The following ESPN variants were observed in gnomAD, a reference collection of about 807,000 sequenced individuals.
The protein encoded by ESPN is autosomal recessive deafness type 36 protein.
A neutral mutation model predicts 77.7 loss-of-function variants in ESPN; 68 were observed. That is an observed-to-expected ratio of 0.87 (90% confidence interval 0.72 to 1.07). The LOEUF (loss-of-function observed/expected upper bound fraction) is 1.07. Among genes scored for constraint, ESPN ranks in the 50% least tolerant of loss-of-function variants. ESPN has a pLI of 0.00. For missense variants in ESPN, 1,060 were observed against 1,239.0 expected (o/e 0.86, Z 2.17); for synonymous variants, 449 against 567.1 (o/e 0.79, Z 2.96).
chr1:6,449,184 C>T (rs76747981), intron 8 of ESPN, 93 bp downstream of exon 8: 2 of 1,245,714 alleles, frequency 1.6e-6, no homozygotes, highest in Non-Finnish European at 2.1e-6. Context: ...TGTCACTGCC[C>T]GGGTCCTTCC....
chr1:6,428,260 T>C lies in ESPN; in HGVS notation c.329T>C (p.Leu110Pro), dbSNP rs1643112418. The C allele has an allele frequency of 6.2e-7, 1 of 1,613,580 alleles. No homozygotes were observed. Among genetic ancestry groups the C allele is most frequent in the Non-Finnish European group, 8.5e-7 (1 of 1,179,994 alleles). ...AATTCTGGTGCCACAGTCTTGCATC[T>C]GGCTGCCCGCTTCGGCCACCCCGAG... is the stretch of plus-strand genomic sequence containing the variant. ...KDNSGATVLHLAARFGHPEVV... is the reference protein window; with the variant it reads ...KDNSGATVLHPAARFGHPEVV... The change falls in exon 2 of 13, where the codon CTG becomes CCG. Residue 110 changes from leucine to proline, a missense_variant. Coordinates refer to ENST00000645284, the MANE Select transcript of ESPN (RefSeq NM_031475.3). This position sits in a 1 kb window ranked among gnomAD's most constrained non-coding sequence, Gnocchi z 5.4.
chr1:6,449,630 C>T (rs1280818083), intron 8 of ESPN, among the ~76,000 whole-genome samples: 2 of 152,254 alleles, frequency 1.3e-5, no homozygotes, highest in Non-Finnish European at 2.9e-5. Context: ...GCCAGGAACT[C>T]TTCCTAGCCA....
intron 2 of ESPN, among the ~76,000 whole-genome samples, chr1:6,434,600 T>C (rs1276260029): frequency 6.6e-6 from 1 of 151,918 alleles, no homozygotes; most frequent in Non-Finnish European, 1.5e-5. Context: ...AGGCCATGAG[T>C]GAAGAGAGAT....
At chr1:6,432,576 A>C (rs373367502) in intron 2 of ESPN, among the ~76,000 whole-genome samples, 1 of 152,088 alleles carries the variant, frequency 6.6e-6, no homozygotes, top group Non-Finnish European at 1.5e-5. Context: ...CCCCTGCCCT[A>C]CCCTTCTAAG....
chr1:6,432,911 A>G (rs2148509115), intron 2 of ESPN, among the ~76,000 whole-genome samples: 2 of 152,240 alleles, frequency 1.3e-5, no homozygotes, highest in Middle Eastern at 6.8e-3. Flanking sequence ...ACACGAGGTC[A>G]GGAGTTCAAG....
rs199641142 is a variant in ESPN at position 6,452,035 on chromosome 1, G to A, written c.2264G>A (p.Arg755His). 3.2e-5 allele frequency: 50 copies of A among 1,585,558 alleles called. No homozygotes were observed. The highest frequency in any genetic ancestry group is 4.1e-5 in the Non-Finnish European group (48 of 1,165,290). ...GGCCGGCCCATCCCCGAGTGGAAGC[G>A]CCAGGTGATGGTGCGCAAGATGCAG... ...EQGRPIPEWKRQVMVRKMQLK... is the reference protein window; with the variant it reads ...EQGRPIPEWKHQVMVRKMQLK... Residue 755 changes from arginine (R) to histidine (H), a missense_variant, in exon 10 of 13, where the codon CGC (arginine) becomes CAC (histidine). Coordinates refer to ENST00000645284, the MANE Select transcript of ESPN (RefSeq NM_031475.3).
chr1:6,448,806 C>T lies in ESPN; in HGVS notation c.1630C>T (p.Arg544Cys). 5 of 1,272,668 alleles carry T rather than the reference C, an allele frequency of 3.9e-6. No individual in the cohort carries two copies. The South Asian group carries it at 1.2e-4, about 30-fold the overall frequency. The allele number at this position is 1,272,668 out of a possible 1,614,324, so 78.8% of individuals were successfully genotyped here. ...GGGCATGGCGCACAGCGAGGAGGTG[C>T]GTGCCCGCCAGCCCGCGCGCGCCGG... ...RPGMAHSEEV[R>C]ARQPARAGCP... The change falls in exon 8 of 13, where the codon CGT becomes TGT. Residue 544 changes from arginine to cysteine, a missense_variant. Coordinates refer to ENST00000645284, the MANE Select transcript of ESPN (RefSeq NM_031475.3).
chr1:6,458,008 G>GAA (rs34724255), intron 12 of ESPN, among the ~76,000 whole-genome samples: 1,046 of 85,494 alleles, frequency 0.012, 15 homozygotes, highest in African/African-American at 0.042. Flanking sequence ...CTCATTCTGC[G>GAA]AAAAAAAAAA....
intron 5 of ESPN, chr1:6,443,020 A>C (rs570658278): frequency 2.0e-5 from 3 of 150,334 alleles, no homozygotes; most frequent in African/African-American, 7.3e-5. Context: ...AAAAATACAA[A>C]AATTAGCTGA....
intron 7 of ESPN, 188 bp from the exon 8 acceptor site, chr1:6,448,453 T>C: frequency 1.9e-6 from 1 of 533,756 alleles, no homozygotes; most frequent in South Asian, 2.4e-5. Flanking sequence ...AGCCTGCCCT[T>C]CCACCGAGGC....
At chr1:6,444,404 C>A in intron 5 of ESPN, 77 bp from the exon 6 acceptor site, 1 of 1,463,812 alleles carries the variant, frequency 6.8e-7, no homozygotes, top group Non-Finnish European at 9.5e-7. Flanking sequence ...GAAGGCATGA[C>A]TGAGTAGGAC....
Position 6,428,790 on chromosome 1 carries a change from T to G in ESPN, c.488+371T>G, listed in dbSNP as rs1643134343. Among the ~76,000 whole-genome samples, 2 of 152,134 alleles carry G rather than the reference T, an allele frequency of 1.3e-5. No individual in the cohort carries two copies. The highest frequency in any genetic ancestry group is 4.1e-4 in the South Asian group (2 of 4,836). On this transcript the variant is annotated intron_variant, in intron 2 of 12. Coordinates refer to ENST00000645284, the MANE Select transcript of ESPN (RefSeq NM_031475.3). This position sits in a 1 kb window ranked among gnomAD's most constrained non-coding sequence, Gnocchi z 5.4. The stretch of plus-strand genomic sequence containing the variant: ...TGCTCATTTGCAAGACTGTTCAGGA[T>G]GGAGTCGGGGGCAGCAAGGGCAGGA...
chr1:6,434,244 C>T (rs1451863137), intron 2 of ESPN, among the ~76,000 whole-genome samples: 2 of 152,166 alleles, frequency 1.3e-5, no homozygotes, highest in African/African-American at 4.8e-5. Flanking sequence ...GTTCTGTGTG[C>T]ATCCTGCGTG....
intron 12 of ESPN, 141 bp from the exon 13 acceptor site, chr1:6,459,858 G>A: frequency 1.0e-6 from 1 of 980,726 alleles, no homozygotes; most frequent in Non-Finnish European, 1.6e-6. Context: ...TCTGTCTTCA[G>A]CAACCGAGCC....
chr1:6,436,172 AG>A (rs142217885), intron 2 of ESPN, among the ~76,000 whole-genome samples: 9,538 of 152,180 alleles, frequency 0.063, 367 homozygotes, highest in East Asian at 0.15. Context: ...CAAGAGCAGA[AG>A]GGGTGTAGAC....
chr1:6,435,407 C>A (rs895550825), intron 2 of ESPN, among the ~76,000 whole-genome samples: 7 of 152,332 alleles, frequency 4.6e-5, no homozygotes, highest in South Asian at 4.1e-4. Context: ...TTCCCACAGC[C>A]CACACGGGCG....
chr1:6,424,928 G>A lies in ESPN; in HGVS notation c.-28G>A. The A allele has an allele frequency of 7.0e-7, 1 of 1,435,606 alleles. No individual in the cohort carries two copies. Among genetic ancestry groups the A allele is most frequent in the Non-Finnish European group, 9.1e-7 (1 of 1,097,440 alleles). 88.9% of individuals were successfully genotyped at this position (1,435,606 alleles called of 1,614,324 possible). Reference sequence around the variant, plus strand: ...TGGCGTCCTGGGGAAGGCGCTGAGTGCGGAGTCGCGGCGCCGCACGCGGCA... The same window carrying A: ...TGGCGTCCTGGGGAAGGCGCTGAGTACGGAGTCGCGGCGCCGCACGCGGCA... On this transcript the variant is annotated 5_prime_UTR_variant, in exon 1 of 13. Transcript: ENST00000645284.
intron 6 of ESPN, 111 bp from the exon 7 acceptor site, chr1:6,445,553 G>A (rs995754824): frequency 2.7e-5 from 34 of 1,245,810 alleles, no homozygotes; most frequent in South Asian, 1.5e-4. Context: ...AGTGGTGCCC[G>A]GAGCCCACCT....
intron 2 of ESPN, among the ~76,000 whole-genome samples, chr1:6,429,424 G>A (rs1445502971): frequency 1.3e-5 from 2 of 152,136 alleles, no homozygotes; most frequent in African/African-American, 4.8e-5. Flanking sequence ...GTTCCAACTG[G>A]CTCCTGTCAG....
Sources: allele counts gnomAD v4.1 joint callset (sites outside exome capture counted in the v4.1 genomes callset), GRCh38; gene constraint gnomAD v4.1.1; non-coding constraint Gnocchi (gnomAD v3.1); transcripts MANE v1.5; gene names NCBI Gene and HGNC (gene_info 2026-07-23, HGNC 2026-07-21).